Variants in GAREM1 observed in about 807,000 individuals in gnomAD.
The protein encoded by GAREM1 is GRB2 associated regulator of MAPK1 subtype 1.
Under a neutral mutation model 71.3 loss-of-function variants are expected in GAREM1, and 26 were observed. That is an observed-to-expected ratio of 0.36 (90% CI 0.27 to 0.51). The LOEUF (loss-of-function observed/expected upper bound fraction) is 0.51. Ranked by LOEUF, GAREM1 falls within the 20% of genes least tolerant of loss-of-function variation. The probability of loss-of-function intolerance (pLI) is 0.95; values close to 1 mark genes in which losing one functional copy is unlikely to be tolerated. For synonymous variants in GAREM1, 440 were observed against 433.2 expected (o/e 1.02, Z -0.20); for missense variants, 1,026 against 1,103.1 (o/e 0.93, Z 0.99).
At chr18:32,268,986 G>A (rs1410756429) in intron 5 of GAREM1, among the ~76,000 whole-genome samples, 1 of 152,030 alleles carries the variant, frequency 6.6e-6, no homozygotes, top group Non-Finnish European at 1.5e-5. Flanking sequence ...ATGCTACAGT[G>A]GAGATAAAAT....
intron 3 of GAREM1, among the ~76,000 whole-genome samples, chr18:32,294,805 C>T (rs1291975509): frequency 6.6e-6 from 1 of 152,054 alleles, no homozygotes; most frequent in Non-Finnish European, 1.5e-5. Flanking sequence ...TTATCTTTAT[C>T]CTTTCAATTT....
chr18:32,432,542 A>C (rs576307435), intron 1 of GAREM1, among the ~76,000 whole-genome samples: 11 of 152,306 alleles, frequency 7.2e-5, no homozygotes, highest in Non-Finnish European at 1.3e-4. Context: ...AAATTGATAA[A>C]TGTCTGGCTG....
Position 32,395,772 on chromosome 18 carries a change from C to T in GAREM1, c.122-2737G>A, listed in dbSNP as rs191133414. The stretch of plus-strand genomic sequence containing the variant: ...GCCGAACAAAAGGCAGCAGAAACCT[C>T]TGCAGACTTAAATGTCCCTGTCTGA... On this transcript the variant is annotated intron_variant, in intron 1 of 5. Transcript: ENST00000269209. Among the ~76,000 whole-genome samples the T allele has an allele frequency of 7.7e-4, 117 of 152,322 alleles. 1 individual carries two copies. In the East Asian group the frequency reaches 0.018, roughly 24 times the overall value.
Position 32,267,741 on chromosome 18 carries a change from A to T in GAREM1, c.*130T>A. On this transcript the variant is annotated 3_prime_UTR_variant, in exon 6 of 6. Transcript: ENST00000269209. ...CACCATTCAAAAACGTAATCTGCAT[A>T]GTAAGAGTTTCTCTTATCCCTATTT... The T allele has an allele frequency of 1.5e-6, 1 of 682,276 alleles. No homozygotes were observed. Among genetic ancestry groups the T allele is most frequent in the Non-Finnish European group, 2.5e-6 (1 of 407,294 alleles). The allele number at this position is 682,276 out of a possible 1,614,324, so 42.3% of individuals were successfully genotyped here. A position where few individuals can be genotyped will look rare whatever the true frequency, so the allele number is the denominator to read the frequency against.
chr18:32,427,448 C>G (rs901337552), intron 1 of GAREM1, among the ~76,000 whole-genome samples: 1 of 152,110 alleles, frequency 6.6e-6, no homozygotes, highest in Non-Finnish European at 1.5e-5. Context: ...ATGTCTGCCT[C>G]CCTGAGTTTG....
At chr18:32,431,569 A>G (rs1329830066) in intron 1 of GAREM1, among the ~76,000 whole-genome samples, 1 of 152,184 alleles carries the variant, frequency 6.6e-6, no homozygotes, top group Non-Finnish European at 1.5e-5. Context: ...TGGAGGTTGC[A>G]GTGAGCCGAG....
chr18:32,455,068 A>G (rs1384082626), intron 1 of GAREM1, among the ~76,000 whole-genome samples: 1 of 152,240 alleles, frequency 6.6e-6, no homozygotes, highest in East Asian at 1.9e-4. Context: ...GGAATCCAGG[A>G]TCGAGGTTTT....
chr18:32,422,026 A>G (rs1283621963), intron 1 of GAREM1, among the ~76,000 whole-genome samples: 1 of 151,966 alleles, frequency 6.6e-6, no homozygotes, highest in Admixed American at 6.6e-5. Flanking sequence ...TTTAGGGTAC[A>G]TGTGCACAAC....
chr18:32,317,926 T>C (rs796952481), intron 2 of GAREM1, among the ~76,000 whole-genome samples: 11 of 137,478 alleles, frequency 8.0e-5, no homozygotes, highest in African/African-American at 3.4e-4. Context: ...GAGGAACTAA[T>C]TTTTTAAGAC....
Position 32,268,651 on chromosome 18 carries a change from A to C in GAREM1, c.1851T>G (p.Ala617=), listed in dbSNP as rs202143402. The change falls in exon 6 of 6, where the codon GCT becomes GCG. Residue 617 remains alanine, a synonymous_variant. Transcript: ENST00000269209. The part of the protein sequence containing the change: ...DLKSPFGSPS[A]EAVSSRLSWP... ...ATGAGAGCCGAGAGGACACAGCTTCAGCAGAAGGACTTCCAAACGGGGATT... is the reference window on the plus strand; with the variant it reads ...ATGAGAGCCGAGAGGACACAGCTTCCGCAGAAGGACTTCCAAACGGGGATT... The C allele has an allele frequency of 5.9e-5, 95 of 1,614,222 alleles. No individual in the cohort carries two copies. In the East Asian group the frequency reaches 2.1e-3, roughly 36 times the overall value.
At chr18:32,269,023 T>C (rs2041418098) in intron 5 of GAREM1, among the ~76,000 whole-genome samples, 1 of 152,084 alleles carries the variant, frequency 6.6e-6, no homozygotes, top group Non-Finnish European at 1.5e-5. Flanking sequence ...AAGAAAATAA[T>C]TGTTAATAGG....
chr18:32,358,706 C>T (rs1215899866), intron 2 of GAREM1, among the ~76,000 whole-genome samples: 1 of 152,106 alleles, frequency 6.6e-6, no homozygotes, highest in African/African-American at 2.4e-5. Flanking sequence ...GAGGGAATGT[C>T]GGTTTACGTC....
intron 3 of GAREM1, among the ~76,000 whole-genome samples, 189 bp from the exon 4 acceptor site, chr18:32,288,392 G>A (rs1010464737): frequency 3.3e-5 from 5 of 152,058 alleles, no homozygotes; most frequent in Non-Finnish European, 7.4e-5. Flanking sequence ...TGTTCAAGAT[G>A]ATATTAGTTT....
chr18:32,304,194 C>A (rs1567956721), intron 3 of GAREM1, among the ~76,000 whole-genome samples: 1 of 151,772 alleles, frequency 6.6e-6, no homozygotes, highest in Non-Finnish European at 1.5e-5. Flanking sequence ...ATAGTCCAAG[C>A]TACTTGGGAG....
Position 32,416,258 on chromosome 18 carries a change from T to C in GAREM1, c.122-23223A>G, listed in dbSNP as rs185224037. Among the ~76,000 whole-genome samples, 11 of 152,272 alleles carry C rather than the reference T, an allele frequency of 7.2e-5. No individual in the cohort carries two copies. In the East Asian group the frequency reaches 1.3e-3, roughly 19 times the overall value. The stretch of plus-strand genomic sequence containing the variant: ...ATAAAAGATATTCCCTGTTCATGGA[T>C]TGAAAGAATCAATGTTGTTAAAATG... On this transcript the variant is annotated intron_variant, in intron 1 of 5. Coordinates refer to ENST00000269209, the MANE Select transcript of GAREM1 (RefSeq NM_001242409.2).
chr18:32,431,815 A>C (rs1167173478), intron 1 of GAREM1, among the ~76,000 whole-genome samples: 3 of 152,198 alleles, frequency 2.0e-5, no homozygotes, highest in African/African-American at 7.2e-5. Flanking sequence ...AAGCAACCTG[A>C]TTAAAACAAC....
At chr18:32,469,539 C>G (rs545799973) in intron 1 of GAREM1, among the ~76,000 whole-genome samples, 1 of 152,330 alleles carries the variant, frequency 6.6e-6, no homozygotes, top group South Asian at 2.1e-4. Flanking sequence ...GTATGCGCAA[C>G]TATGTGTTTG....
chr18:32,265,837 G>A lies in GAREM1; in HGVS notation c.*2034C>T, dbSNP rs1230166356. On this transcript the variant is annotated 3_prime_UTR_variant, in exon 6 of 6. Transcript: ENST00000269209. ...AAGTATTTTAAAACGGATTCAGCTA[G>A]GTTTGCCAATGAAAACTTGCAGCTT... is the stretch of plus-strand genomic sequence containing the variant. 3 of 152,192 alleles carry A rather than the reference G, an allele frequency of 2.0e-5. No individual in the cohort carries two copies. Among genetic ancestry groups the A allele is most frequent in the African/African-American group, 7.2e-5 (3 of 41,434 alleles). 9.4% of individuals were successfully genotyped at this position (152,192 alleles called of 1,614,324 possible).
chr18:32,333,900 C>T (rs1053067000), intron 2 of GAREM1, among the ~76,000 whole-genome samples: 4 of 152,138 alleles, frequency 2.6e-5, no homozygotes, highest in African/African-American at 7.2e-5. Flanking sequence ...CTACACAGGC[C>T]GGTGTGCGGT....
Sources: gnomAD v4.1 joint callset for allele counts (sites outside exome capture counted in the v4.1 genomes callset) on GRCh38, gnomAD v4.1.1 for gene constraint, MANE v1.5 for transcripts, NCBI Gene and HGNC (gene_info 2026-07-23, HGNC 2026-07-21) for gene names.